GRTP1: variants seen among roughly 807,000 people sequenced by gnomAD.
GRTP1 encodes growth hormone-regulated TBC protein 1.
In GRTP1, 56 loss-of-function variants were observed where a neutral mutation model predicts 38.1. The ratio of observed to expected loss-of-function variants is 1.47; its 90% CI spans 1.19 to 1.84. The LOEUF (loss-of-function observed/expected upper bound fraction) is 1.84, where lower values mean the gene tolerates loss of function less well. GRTP1 is among the 40% of genes most tolerant of loss of function. The pLI, the probability that GRTP1 is intolerant of heterozygous loss-of-function variation, is 0.00. For missense variants in GRTP1, 506 were observed against 453.9 expected, an observed-to-expected ratio of 1.11 and a Z score of -1.04; for synonymous variants, 217 against 189.5, an observed-to-expected ratio of 1.14 and a Z score of -1.19.
At chr13:113,356,949 A>G (rs1057114272) in intron 2 of GRTP1, among the ~76,000 whole-genome samples, 5 of 152,202 alleles carry the variant, frequency 3.3e-5, no homozygotes, top group Admixed American at 2.0e-4. Flanking sequence ...CGAATTATAC[A>G]AGGACAACGA....
chr13:113,357,381 G>A (rs2043413045), intron 2 of GRTP1, among the ~76,000 whole-genome samples: 1 of 143,846 alleles, frequency 7.0e-6, no homozygotes. Context: ...GCAGGCAGAG[G>A]TTGCAGTGAG....
At chr13:113,332,623 C>T (rs1323287801) in intron 5 of GRTP1, among the ~76,000 whole-genome samples, 4 of 152,250 alleles carry the variant, frequency 2.6e-5, no homozygotes, top group East Asian at 3.8e-4. Flanking sequence ...TCAAGCACTC[C>T]GTAAGGACAG....
Position 113,355,091 on chromosome 13 carries a change from C to A in GRTP1, c.340+232G>T, listed in dbSNP as rs2043358228. 1.6e-5 allele frequency: 8 copies of A among 492,254 alleles called. No individual in the cohort carries two copies. In the South Asian group the frequency reaches 2.2e-4, roughly 13 times the overall value. The allele number at this position is 492,254 out of a possible 1,614,324, so 30.5% of individuals were successfully genotyped here. On this transcript the variant is annotated intron_variant, in intron 3 of 7. Transcript: ENST00000375431. Reference sequence around the variant, plus strand: ...ATGGAGCGCATCTGCTCCTTCATGCCCATTTTCTTATTAGCCAGCTAGGCA... The same window carrying A: ...ATGGAGCGCATCTGCTCCTTCATGCACATTTTCTTATTAGCCAGCTAGGCA...
intron 5 of GRTP1, among the ~76,000 whole-genome samples, chr13:113,340,640 C>T (rs1320502013): frequency 1.3e-5 from 2 of 151,980 alleles, no homozygotes; most frequent in African/African-American, 2.4e-5. Context: ...ATTAGCCGGG[C>T]GTGGTGGCGG....
At chr13:113,335,256 A>G (rs1184854500) in intron 5 of GRTP1, among the ~76,000 whole-genome samples, 1 of 152,046 alleles carries the variant, frequency 6.6e-6, no homozygotes, top group Non-Finnish European at 1.5e-5. Flanking sequence ...ATGTGTCATG[A>G]TCAGACCTGG....
At chr13:113,326,179 G>C in intron 5 of GRTP1, 88 bp from the exon 6 acceptor site, 1 of 1,514,276 alleles carries the variant, frequency 6.6e-7, no homozygotes, top group Non-Finnish European at 8.9e-7. Flanking sequence ...AAGACAACAG[G>C]GCCACCCTGG....
intron 5 of GRTP1, among the ~76,000 whole-genome samples, chr13:113,331,648 C>CTTTT (rs59328510): frequency 2.2e-5 from 2 of 92,984 alleles, no homozygotes; most frequent in African/African-American, 9.1e-5. Flanking sequence ...GTTTGGTTTA[C>CTTTT]TTTTTTTTTT....
chr13:113,358,954 C>G (rs1385881363), intron 2 of GRTP1, among the ~76,000 whole-genome samples: 1 of 152,138 alleles, frequency 6.6e-6, no homozygotes, highest in Non-Finnish European at 1.5e-5. Flanking sequence ...CACACAAAAA[C>G]CTGTAGGTGG....
chr13:113,333,874 T>TGTGTGCGCGC (rs33972835), intron 5 of GRTP1, among the ~76,000 whole-genome samples: 24 of 135,266 alleles, frequency 1.8e-4, no homozygotes, highest in African/African-American at 6.8e-4. Flanking sequence ...TGTGTGTGTG[T>TGTGTGCGCGC]CCGAGGCTGG....
intron 4 of GRTP1, among the ~76,000 whole-genome samples, chr13:113,346,519 A>C (rs368827655): frequency 0.071 from 58 of 822 alleles, 6 homozygotes; most frequent in African/African-American, 0.075. Context: ...CCTCTGTGGC[A>C]AAGAGCAGAC....
intron 2 of GRTP1, among the ~76,000 whole-genome samples, chr13:113,355,910 A>G (rs934098770): frequency 1.3e-5 from 2 of 152,258 alleles, no homozygotes; most frequent in Non-Finnish European, 2.9e-5. Context: ...ACACGGTTTC[A>G]GTGGCAGACG....
intron 2 of GRTP1, among the ~76,000 whole-genome samples, chr13:113,363,351 G>A (rs956574015): frequency 1.4e-4 from 21 of 152,364 alleles, no homozygotes; most frequent in Admixed American, 5.9e-4. Flanking sequence ...GGGACTACAG[G>A]CAGGAGCCAC....
chr13:113,350,027 T>C (rs12585400), intron 4 of GRTP1, among the ~76,000 whole-genome samples: 50,210 of 151,946 alleles, frequency 0.33, 8,767 homozygotes, highest in East Asian at 0.6. Context: ...CTCCAGGCTC[T>C]CAGCCACGGG....
At chr13:113,335,915 C>G (rs2042948331) in intron 5 of GRTP1, among the ~76,000 whole-genome samples, 1 of 152,136 alleles carries the variant, frequency 6.6e-6, no homozygotes, top group Non-Finnish European at 1.5e-5. Context: ...GCCTCAGCCT[C>G]CTGAGTAGCT....
intron 7 of GRTP1, chr13:113,325,096 C>T (rs2042739957): frequency 2.0e-6 from 2 of 1,007,412 alleles, no homozygotes; most frequent in Admixed American, 5.1e-5. Flanking sequence ...TCCCAAAGTG[C>T]TGGGACTGCA....
chr13:113,357,232 G>C (rs2139528915), intron 2 of GRTP1, among the ~76,000 whole-genome samples: 1 of 130,100 alleles, frequency 7.7e-6, no homozygotes, highest in South Asian at 2.6e-4. Context: ...ATCACCTGAG[G>C]TCCAGAGATC....
intron 5 of GRTP1, among the ~76,000 whole-genome samples, chr13:113,337,675 C>G (rs975265701): frequency 6.6e-6 from 1 of 152,252 alleles, no homozygotes; most frequent in East Asian, 1.9e-4. Flanking sequence ...TGACTCAGCG[C>G]AATCTGATCC....
Position 113,348,702 on chromosome 13 carries a change from G to A in GRTP1, c.465+2147C>T, listed in dbSNP as rs1170005552. ...CATGGAGATGGAGGCAGAGATTGGAGTAGTGATGCCACCCGCCGAGGGGCA... is the reference window on the plus strand; with the variant it reads ...CATGGAGATGGAGGCAGAGATTGGAATAGTGATGCCACCCGCCGAGGGGCA... On this transcript the variant is annotated intron_variant, in intron 4 of 7. Coordinates refer to ENST00000375431, the MANE Select transcript of GRTP1 (RefSeq NM_024719.4). This position sits in a 1 kb window ranked among gnomAD's most constrained non-coding sequence, Gnocchi z 4.8. Among the ~76,000 whole-genome samples the A allele has an allele frequency of 2.6e-5, 4 of 152,182 alleles. No individual in the cohort carries two copies. Among genetic ancestry groups the A allele is most frequent in the Admixed American group, 6.5e-5 (1 of 15,274 alleles).
intron 2 of GRTP1, 170 bp from the exon 3 acceptor site, chr13:113,355,651 T>G: frequency 2.7e-6 from 2 of 733,748 alleles, no homozygotes; most frequent in Non-Finnish European, 4.1e-6. Context: ...CCTTTAAAAA[T>G]TCTGCTCTCC....
Sources: gnomAD v4.1 joint callset for allele counts (sites outside exome capture counted in the v4.1 genomes callset) on GRCh38, gnomAD v4.1.1 for gene constraint, Gnocchi (gnomAD v3.1) non-coding constraint, MANE v1.5 for transcripts, NCBI Gene and HGNC (gene_info 2026-07-23, HGNC 2026-07-21) for gene names.